BASP1: variants seen among roughly 807,000 people sequenced by gnomAD.
BASP1 encodes the protein brain abundant membrane attached signal protein 1, also known as brain acid soluble protein 1.
BASP1 carries 1 observed loss-of-function variant against 2.2 expected under a neutral mutation model. The ratio of observed to expected loss-of-function variants is 0.46; its 90% CI spans 0.16 to 2.17. BASP1 has a LOEUF of 2.17. BASP1 is among the 30% of genes most tolerant of loss of function. The probability of loss-of-function intolerance (pLI) is 0.27; values close to 1 mark genes in which losing one functional copy is unlikely to be tolerated. For synonymous variants in BASP1, 187 were observed against 154.2 expected (o/e 1.21, Z -1.58); for missense variants, 352 against 327.2 (o/e 1.08, Z -0.58).
Position 17,275,592 on chromosome 5 carries a change from G to T in BASP1, c.376G>T (p.Ala126Ser). 1.4e-6 allele frequency: 2 copies of T among 1,402,832 alleles called. No homozygotes were observed. Among genetic ancestry groups the T allele is most frequent in the South Asian group, 1.6e-5 (1 of 62,210 alleles). 86.9% of individuals were successfully genotyped at this position (1,402,832 alleles called of 1,614,324 possible). Residue 126 changes from alanine to serine, a missense_variant, in exon 2 of 2, where the codon GCC (alanine) becomes TCC (serine). By Grantham distance (99) the Ala-to-Ser change is moderately conservative. Transcript: ENST00000322611. The surrounding 1 kb of genome is among the most constrained non-coding windows in gnomAD (Gnocchi z 5.3). Reference protein sequence around the residue: ...GGEAPKAAEAAAAPAESAAPA... With the variant: ...GGEAPKAAEASAAPAESAAPA... The stretch of plus-strand genomic sequence containing the variant: ...CGAGGCCCCCAAAGCTGCTGAGGCC[G>T]CCGCGGCCCCGGCCGAGAGCGCGGC...
chr5:17,258,912 G>C (rs967462394), intron 1 of BASP1, among the ~76,000 whole-genome samples: 1 of 152,120 alleles, frequency 6.6e-6, no homozygotes, highest in African/African-American at 2.4e-5. Flanking sequence ...AGAAATCTGG[G>C]GAGATACATT....
chr5:17,271,373 C>T lies in BASP1; in HGVS notation c.-9-3835C>T, dbSNP rs1740524877. Among the ~76,000 whole-genome samples, 3 of 152,282 alleles carry T rather than the reference C, an allele frequency of 2.0e-5. No individual in the cohort carries two copies. In the South Asian group the frequency reaches 6.2e-4, roughly 32 times the overall value. ...CTGACCTCAAGTGATCCACCCACCT[C>T]GGCCTCCCAAAGTGCTGGGATTACA... On this transcript the variant is annotated intron_variant, in intron 1 of 1. Coordinates refer to ENST00000322611, the MANE Select transcript of BASP1 (RefSeq NM_006317.5).
Position 17,228,530 on chromosome 5 carries a change from A to G in BASP1, c.-10+10720A>G, listed in dbSNP as rs1489269873. Among the ~76,000 whole-genome samples, 3 of 152,250 alleles carry G rather than the reference A, an allele frequency of 2.0e-5. No individual in the cohort carries two copies. The East Asian group carries it at 5.8e-4, about 29-fold the overall frequency. On this transcript the variant is annotated intron_variant, in intron 1 of 1. Transcript: ENST00000322611. The stretch of plus-strand genomic sequence containing the variant: ...GTGAATTTAAAAGCCAACAAGCTTC[A>G]TATCTCTCCACCTCACCCCAAACCC...
At chr5:17,268,955 C>T (rs1366549167) in intron 1 of BASP1, among the ~76,000 whole-genome samples, 1 of 152,168 alleles carries the variant, frequency 6.6e-6, no homozygotes, top group Non-Finnish European at 1.5e-5. Context: ...TAAGACTCAA[C>T]AGAATTGTTT....
rs1025790712 is a variant in BASP1, at chr5:17,275,012, T to C, written c.-9-196T>C. On this transcript the variant is annotated intron_variant, in intron 1 of 1. Transcript: ENST00000322611. The surrounding 1 kb of genome is among the most constrained non-coding windows in gnomAD (Gnocchi z 5.3). Reference sequence around the variant, plus strand: ...CCACGGCATTCCAGCCTGGGTAACATAGCGAGACCCTGTCTCAAAAATAAA... The same window carrying C: ...CCACGGCATTCCAGCCTGGGTAACACAGCGAGACCCTGTCTCAAAAATAAA... Among the ~76,000 whole-genome samples, 4 of 152,046 alleles carry C rather than the reference T, an allele frequency of 2.6e-5. No individual in the cohort carries two copies. The South Asian group carries it at 6.2e-4, about 24-fold the overall frequency.
At chr5:17,233,091 C>A (rs1431355453) in intron 1 of BASP1, among the ~76,000 whole-genome samples, 2 of 152,224 alleles carry the variant, frequency 1.3e-5, no homozygotes, top group African/African-American at 2.4e-5. Context: ...ATACAATTTA[C>A]TCATTCCAAA....
At chr5:17,265,193 C>T (rs1350215105) in intron 1 of BASP1, among the ~76,000 whole-genome samples, 2 of 152,164 alleles carry the variant, frequency 1.3e-5, no homozygotes. Context: ...ATGTAACCCC[C>T]TTGGCTTGTG....
At position 17,274,810 on chromosome 5, in the gene BASP1, T is replaced by C. The variant is rs77779271; in HGVS notation, c.-9-398T>C. On this transcript the variant is annotated intron_variant, in intron 1 of 1. Transcript: ENST00000322611. ...GAACTCACTTAATTGAGCTCCTTAA[T>C]GTTTTTGATTCTTTTTAAAATTTTT... Among the ~76,000 whole-genome samples, 94 of 152,344 alleles carry C rather than the reference T, an allele frequency of 6.2e-4. No individual in the cohort carries two copies. The East Asian group carries it at 0.017, about 27-fold the overall frequency.
At chr5:17,248,580 T>C (rs575319977) in intron 1 of BASP1, among the ~76,000 whole-genome samples, 5 of 152,326 alleles carry the variant, frequency 3.3e-5, no homozygotes, top group African/African-American at 1.2e-4. Flanking sequence ...GTTCAATCTT[T>C]ATCCAAAGAT....
chr5:17,231,072 G>A (rs576793807), intron 1 of BASP1, among the ~76,000 whole-genome samples: 3 of 152,112 alleles, frequency 2.0e-5, no homozygotes, highest in East Asian at 1.9e-4. Context: ...TAATTGAAAC[G>A]ATGCTGTTTA....
chr5:17,246,490 T>C (rs1367365959), intron 1 of BASP1, among the ~76,000 whole-genome samples: 1 of 151,954 alleles, frequency 6.6e-6, no homozygotes, highest in Non-Finnish European at 1.5e-5. Context: ...TGTGTCTCAA[T>C]AAATAAATAA....
chr5:17,237,886 C>G (rs974535877), intron 1 of BASP1, among the ~76,000 whole-genome samples: 3 of 151,758 alleles, frequency 2.0e-5, no homozygotes, highest in African/African-American at 7.3e-5. Flanking sequence ...GCTGGGATTA[C>G]AGGCATGAGC....
At chr5:17,271,471 G>A (rs558365815) in intron 1 of BASP1, among the ~76,000 whole-genome samples, 19 of 152,266 alleles carry the variant, frequency 1.2e-4, no homozygotes, top group African/African-American at 4.6e-4. Flanking sequence ...TCATAACAGA[G>A]GTCAGTTTTA....
At chr5:17,258,350 C>A (rs989968571) in intron 1 of BASP1, among the ~76,000 whole-genome samples, 2 of 152,196 alleles carry the variant, frequency 1.3e-5, no homozygotes, top group African/African-American at 4.8e-5. Context: ...CATTAGTTTT[C>A]AAAGTCACTG....
chr5:17,272,463 A>T (rs527885842), intron 1 of BASP1, among the ~76,000 whole-genome samples: 1 of 151,028 alleles, frequency 6.6e-6, no homozygotes, highest in South Asian at 2.1e-4. Context: ...TGTGAATGGC[A>T]TACTACCCCA....
chr5:17,232,028 C>G (rs1452782766), intron 1 of BASP1, among the ~76,000 whole-genome samples: 1 of 152,218 alleles, frequency 6.6e-6, no homozygotes, highest in Non-Finnish European at 1.5e-5. Context: ...ACTCCAATTA[C>G]AGTAATTATT....
rs189888315 is a variant in BASP1, at chr5:17,247,017, T to C, written c.-9-28191T>C. Among the ~76,000 whole-genome samples, 26 of 152,232 alleles carry C rather than the reference T, an allele frequency of 1.7e-4. No homozygotes were observed. In the East Asian group the frequency reaches 4.6e-3, roughly 27 times the overall value. ...GTCTGGGTAACATGGCGAAACCCTG[T>C]GTCTACAAAAAATACAAAAAATAGC... On this transcript the variant is annotated intron_variant, in intron 1 of 1. Coordinates refer to ENST00000322611, the MANE Select transcript of BASP1 (RefSeq NM_006317.5).
chr5:17,276,253 ACTC>A lies in BASP1; in HGVS notation c.*358_*360del, dbSNP rs1367505500. On this transcript the variant is annotated 3_prime_UTR_variant, in exon 2 of 2. Coordinates refer to ENST00000322611, the MANE Select transcript of BASP1 (RefSeq NM_006317.5). ...TGTACCTGAAACTGCCGCCACATGCACTCCTCCACCGCTGAGAGTTGAATAGCT... is the reference window on the plus strand; with the variant it reads ...TGTACCTGAAACTGCCGCCACATGCACTCCACCGCTGAGAGTTGAATAGCT... 1 of 194,816 alleles carries A rather than the reference ACTC, an allele frequency of 5.1e-6. No homozygotes were observed. The highest frequency in any genetic ancestry group is 2.3e-5 in the African/African-American group (1 of 42,584). The allele number at this position is 194,816 out of a possible 1,614,324, so 12.1% of individuals were successfully genotyped here.
chr5:17,275,923 C>A lies in BASP1; in HGVS notation c.*23C>A. Reference sequence around the variant, plus strand: ...TGACAAGGACAGCCTATAGGAAAAACAATACCACTTAAAACAATCTCCTCT... The same window carrying A: ...TGACAAGGACAGCCTATAGGAAAAAAAATACCACTTAAAACAATCTCCTCT... On this transcript the variant is annotated 3_prime_UTR_variant, in exon 2 of 2. Transcript: ENST00000322611. The surrounding 1 kb of genome is among the most constrained non-coding windows in gnomAD (Gnocchi z 5.3). 2 of 1,520,252 alleles carry A rather than the reference C, an allele frequency of 1.3e-6. No homozygotes were observed. The highest frequency in any genetic ancestry group is 1.8e-6 in the Non-Finnish European group (2 of 1,131,776). The allele number at this position is 1,520,252 out of a possible 1,614,324, so 94.2% of individuals were successfully genotyped here.
Sources: allele counts gnomAD v4.1 joint callset (sites outside exome capture counted in the v4.1 genomes callset), GRCh38; gene constraint gnomAD v4.1.1; non-coding constraint Gnocchi (gnomAD v3.1); transcripts MANE v1.5; gene names NCBI Gene and HGNC (gene_info 2026-07-23, HGNC 2026-07-21).